Variants in TCF12 observed in about 807,000 individuals in gnomAD.
TCF12 encodes the protein transcription factor 12.
Under a neutral mutation model 86.0 loss-of-function variants are expected in TCF12, and 45 were observed. That is an observed-to-expected ratio of 0.52 (90% CI 0.41 to 0.67). TCF12 has a LOEUF of 0.67. Among genes scored for constraint, TCF12 ranks in the 30% least tolerant of loss-of-function variants. TCF12 has a pLI of 0.00. For missense variants in TCF12, 881 were observed against 859.9 expected (o/e 1.02, Z -0.31); for synonymous variants, 330 against 299.6 (o/e 1.10, Z -1.05).
chr15:57,212,636 T>C (rs2058161178), intron 8 of TCF12, among the ~76,000 whole-genome samples: 1 of 151,732 alleles, frequency 6.6e-6, no homozygotes, highest in South Asian at 2.1e-4. Flanking sequence ...AAAAAAAGAG[T>C]CTGAGAGACA....
chr15:57,049,251 C>G (rs2067449834), intron 3 of TCF12, among the ~76,000 whole-genome samples: 1 of 152,194 alleles, frequency 6.6e-6, no homozygotes, highest in Admixed American at 6.5e-5. Context: ...CTTTGTGCTT[C>G]CTTCAACTCA....
At chr15:57,243,969 C>G (rs1048796658) in intron 13 of TCF12, among the ~76,000 whole-genome samples, 6 of 152,076 alleles carry the variant, frequency 3.9e-5, no homozygotes, top group Non-Finnish European at 7.4e-5. Flanking sequence ...GCCTCCAACT[C>G]CTGGGCTCAA....
intron 3 of TCF12, among the ~76,000 whole-genome samples, chr15:56,977,069 T>C (rs1186071066): frequency 6.6e-6 from 1 of 152,198 alleles, no homozygotes; most frequent in Non-Finnish European, 1.5e-5. Context: ...GAAGGTTATA[T>C]TGAGCAGTTA....
intron 7 of TCF12, among the ~76,000 whole-genome samples, chr15:57,193,758 T>C (rs1462158): frequency 1 from 152,212 of 152,318 alleles, 76,054 homozygotes; most frequent in Non-Finnish European, 1. Flanking sequence ...GGTCTAGGGT[T>C]TGCTTGTGGG....
At chr15:57,038,022 A>G (rs2066627785) in intron 3 of TCF12, among the ~76,000 whole-genome samples, 1 of 152,238 alleles carries the variant, frequency 6.6e-6, no homozygotes, top group Admixed American at 6.5e-5. Context: ...TAATATTCAT[A>G]AGAGTTCAAG....
chr15:57,206,747 A>T (rs979476714), intron 8 of TCF12, among the ~76,000 whole-genome samples: 1 of 151,288 alleles, frequency 6.6e-6, no homozygotes. Context: ...TGTATTACAG[A>T]CACTTAACTT....
rs1034829084 is a variant in TCF12, at chr15:56,918,800, G to C, written c.-129G>C. On this transcript the variant is annotated 5_prime_UTR_variant, in exon 1 of 21. Transcript: ENST00000333725. Reference sequence around the variant, plus strand: ...CTCCCAGACCCGAGAGCTCGTGCGGGGCAAAGTGAACCGAGCCGCTGGGCG... The same window carrying C: ...CTCCCAGACCCGAGAGCTCGTGCGGCGCAAAGTGAACCGAGCCGCTGGGCG... 1 of 159,156 alleles carries C rather than the reference G, an allele frequency of 6.3e-6. No individual in the cohort carries two copies. Among genetic ancestry groups the C allele is most frequent in the African/African-American group, 2.4e-5 (1 of 41,490 alleles). The allele number at this position is 159,156 out of a possible 1,614,324, so 9.9% of individuals were successfully genotyped here.
chr15:57,135,130 A>G (rs138541552), intron 5 of TCF12, among the ~76,000 whole-genome samples: 342 of 152,338 alleles, frequency 2.2e-3, no homozygotes, highest in Admixed American at 5.8e-3. Context: ...GGATTGTGGT[A>G]TATGGAGACA....
intron 13 of TCF12, among the ~76,000 whole-genome samples, chr15:57,250,278 T>C (rs2060047323): frequency 6.6e-6 from 1 of 152,216 alleles, no homozygotes. Flanking sequence ...TACGTTAATA[T>C]ATTTATACCC....
intron 16 of TCF12, among the ~76,000 whole-genome samples, chr15:57,261,460 CAA>C (rs749433598): frequency 3.7e-4 from 57 of 152,058 alleles, no homozygotes; most frequent in Non-Finnish European, 6.3e-4. Flanking sequence ...ATTAATTACT[CAA>C]GAGGGATTCA....
Position 57,287,757 on chromosome 15 carries a change from C to G in TCF12, c.*1612C>G, listed in dbSNP as rs1483571951. ...AAGACAGAACTTCTGGTACTCTAAT[C>G]AGGATGATTCCTAACAAGTCAGTCA... On this transcript the variant is annotated 3_prime_UTR_variant, in exon 21 of 21. Transcript: ENST00000333725. 6.6e-6 allele frequency: 1 copy of G among 152,648 alleles called. No individual in the cohort carries two copies. The allele number at this position is 152,648 out of a possible 1,614,324, so 9.5% of individuals were successfully genotyped here.
At chr15:57,221,786 G>C (rs1292392733) in intron 8 of TCF12, among the ~76,000 whole-genome samples, 2 of 151,968 alleles carry the variant, frequency 1.3e-5, no homozygotes, top group African/African-American at 4.8e-5. Flanking sequence ...TTCTCTAGTA[G>C]TTATTAGAAG....
In TCF12 at chr15:57,253,393, T is replaced by A; in HGVS notation, c.1392T>A (p.His464Gln). The change falls in exon 16 of 21, where the codon CAT becomes CAA. Residue 464 changes from histidine (H) to glutamine (Q), a missense_variant. His to Gln is a conservative substitution (Grantham distance 24). Around this residue, in one of 3 missense-constraint regions of TCF12, gnomAD observed 766 missense variants for 718.9 expected, o/e 1.07. Coordinates refer to ENST00000333725, the MANE Select transcript of TCF12 (RefSeq NM_207037.2). ...TACATAGTTTATTGGGACCATCCCA[T>A]AATGCACCAATTGGAAGCCTCAATT... ...SDIHSLLGPSHNAPIGSLNSN... is the reference protein window; with the variant it reads ...SDIHSLLGPSQNAPIGSLNSN... 1 of 1,614,126 alleles carries A rather than the reference T, an allele frequency of 6.2e-7. No homozygotes were observed. Among genetic ancestry groups the A allele is most frequent in the South Asian group, 1.1e-5 (1 of 91,080 alleles).
chr15:57,224,535 C>A (rs1221280412), intron 8 of TCF12, among the ~76,000 whole-genome samples: 1 of 152,072 alleles, frequency 6.6e-6, no homozygotes, highest in Non-Finnish European at 1.5e-5. Flanking sequence ...CAGTAATGTT[C>A]ACCTGTGTTT....
intron 18 of TCF12, among the ~76,000 whole-genome samples, chr15:57,271,039 G>T (rs1325584210): frequency 6.6e-6 from 1 of 152,192 alleles, no homozygotes; most frequent in African/African-American, 2.4e-5. Context: ...CCCACTTGAG[G>T]AGGCAGTCTC....
At position 56,958,716 on chromosome 15, in the gene TCF12, A is replaced by T. The variant is rs923876732; in HGVS notation, c.148+37618A>T. 2.5e-4 allele frequency among the ~76,000 whole-genome samples: 29 copies of T among 114,650 alleles called. No homozygotes were observed. The South Asian group carries it at 2.6e-3, about 10-fold the overall frequency. The allele number at this position is 114,650 out of a possible 152,430, so 75.2% of individuals were successfully genotyped here. A position where few individuals can be genotyped will look rare whatever the true frequency, so the allele number is the denominator to read the frequency against. On this transcript the variant is annotated intron_variant, in intron 3 of 20. Coordinates refer to ENST00000333725, the MANE Select transcript of TCF12 (RefSeq NM_207037.2). ...GTGTGTGTGTGTGTGTGTGTGTGTGAAGTGCAATAAGGCTGACAGGCATCG... is the reference window on the plus strand; with the variant it reads ...GTGTGTGTGTGTGTGTGTGTGTGTGTAGTGCAATAAGGCTGACAGGCATCG...
intron 5 of TCF12, among the ~76,000 whole-genome samples, chr15:57,162,852 A>C (rs2054594504): frequency 2.0e-5 from 3 of 151,940 alleles, no homozygotes; most frequent in Admixed American, 6.6e-5. Context: ...AAGAGTTCTT[A>C]CTAGGACATT....
chr15:56,955,583 T>G (rs1468774568), intron 3 of TCF12, among the ~76,000 whole-genome samples: 1 of 152,076 alleles, frequency 6.6e-6, no homozygotes, highest in Admixed American at 6.6e-5. Flanking sequence ...AAAAAAAGCA[T>G]TTGTGGTTAG....
intron 3 of TCF12, among the ~76,000 whole-genome samples, chr15:56,959,995 C>T (rs1053139446): frequency 6.6e-6 from 1 of 152,176 alleles, no homozygotes; most frequent in South Asian, 2.1e-4. Context: ...AAAGTAATTG[C>T]AGTTTTTGCC....
Sources: gnomAD v4.1 joint callset for allele counts (sites outside exome capture counted in the v4.1 genomes callset) on GRCh38, gnomAD v4.1.1 for gene constraint, gnomAD v4.1.1 regional missense constraint, MANE v1.5 for transcripts, NCBI Gene and HGNC (gene_info 2026-07-23, HGNC 2026-07-21) for gene names.